SPOCK3: variants seen among roughly 807,000 people sequenced by gnomAD.
SPOCK3 encodes testican-3.
In SPOCK3, 30 loss-of-function variants were observed where a neutral mutation model predicts 56.6. The ratio of observed to expected loss-of-function variants is 0.53; its 90% confidence interval spans 0.40 to 0.72. SPOCK3 has a LOEUF of 0.72. Among genes scored for constraint, SPOCK3 ranks in the 30% least tolerant of loss-of-function variants. SPOCK3 has a pLI of 0.00. For synonymous variants in SPOCK3, 196 were observed against 183.3 expected, an observed-to-expected ratio of 1.07 and a Z score of -0.56; for missense variants, 527 against 530.0, an observed-to-expected ratio of 0.99 and a Z score of 0.06.
At chr4:166,950,105 T>G (rs1467160257) in intron 4 of SPOCK3, among the ~76,000 whole-genome samples, 2 of 151,028 alleles carry the variant, frequency 1.3e-5, no homozygotes, top group African/African-American at 4.9e-5. Context: ...TAAATGTAAA[T>G]GGACTAAATG....
intron 2 of SPOCK3, among the ~76,000 whole-genome samples, chr4:167,136,602 T>C (rs1318197005): frequency 4.6e-5 from 7 of 152,192 alleles, no homozygotes; most frequent in Non-Finnish European, 8.8e-5. Flanking sequence ...TTGCTGATTA[T>C]TGTTGCAGTT....
intron 6 of SPOCK3, among the ~76,000 whole-genome samples, chr4:166,858,187 CA>C (rs1410861475): frequency 6.6e-6 from 1 of 152,054 alleles, no homozygotes; most frequent in Non-Finnish European, 1.5e-5. Context: ...AATTTAATAC[CA>C]CATAGATAAG....
At chr4:166,876,486 C>G (rs982961023) in intron 6 of SPOCK3, among the ~76,000 whole-genome samples, 1 of 151,986 alleles carries the variant, frequency 6.6e-6, no homozygotes, top group Non-Finnish European at 1.5e-5. Flanking sequence ...AAAGTAAAAG[C>G]AGAAAAATAT....
intron 6 of SPOCK3, among the ~76,000 whole-genome samples, chr4:166,865,509 A>T (rs772318067): frequency 3.9e-5 from 6 of 152,194 alleles, no homozygotes; most frequent in Non-Finnish European, 7.3e-5. Flanking sequence ...TGCAGATGAC[A>T]TGATTGTATA....
At chr4:167,080,878 CT>C (rs766090610) in intron 2 of SPOCK3, among the ~76,000 whole-genome samples, 3,900 of 129,006 alleles carry the variant, frequency 0.03, 115 homozygotes, top group African/African-American at 0.1. Context: ...CTCTTTCTTT[CT>C]TTTTTTTTTT....
chr4:166,843,540 A>C (rs188581073), intron 6 of SPOCK3, among the ~76,000 whole-genome samples: 2 of 152,330 alleles, frequency 1.3e-5, no homozygotes, highest in African/African-American at 2.4e-5. Context: ...TCTTGAAAAA[A>C]TAAGCCACCA....
upstream of SPOCK3, chr4:167,234,566 T>A (rs1737536815): frequency 8.8e-6 from 2 of 227,962 alleles, no homozygotes; most frequent in South Asian, 2.6e-4. Flanking sequence ...TCCACTCAGC[T>A]CCCTGCGCCC....
chr4:166,861,534 T>G (rs1026631271), intron 6 of SPOCK3, among the ~76,000 whole-genome samples: 1 of 152,124 alleles, frequency 6.6e-6, no homozygotes, highest in Non-Finnish European at 1.5e-5. Context: ...CAAGAGTGCC[T>G]TGAGCAATAC....
chr4:166,994,113 G>C (rs1748101589), intron 4 of SPOCK3, among the ~76,000 whole-genome samples: 1 of 152,136 alleles, frequency 6.6e-6, no homozygotes, highest in East Asian at 1.9e-4. Context: ...GAAGAACAAA[G>C]GAACAAGTGG....
chr4:166,954,007 T>C lies in SPOCK3; in HGVS notation c.351-41264A>G, dbSNP rs913485488. 5.3e-5 allele frequency among the ~76,000 whole-genome samples: 8 copies of C among 152,160 alleles called. No individual in the cohort carries two copies. In the South Asian group the frequency reaches 1.5e-3, roughly 28 times the overall value. ...CTAGATGACGAGTTAGTGGGTGCAG[T>C]GCACTAGCATGGCACATGTATACAT... is the stretch of plus-strand genomic sequence containing the variant. On this transcript the variant is annotated intron_variant, in intron 4 of 10. Coordinates refer to ENST00000357545, the MANE Select transcript of SPOCK3 (RefSeq NM_001040159.2).
intron 2 of SPOCK3, among the ~76,000 whole-genome samples, chr4:167,220,807 T>C (rs1296402583): frequency 1.3e-5 from 2 of 152,126 alleles, no homozygotes; most frequent in African/African-American, 4.8e-5. Context: ...AGTACCTCTG[T>C]AGGGATAAAC....
chr4:167,074,371 A>T (rs183790770), intron 2 of SPOCK3, among the ~76,000 whole-genome samples: 10 of 152,092 alleles, frequency 6.6e-5, no homozygotes. Flanking sequence ...TAAGGTGTCA[A>T]CCAAGGCTGC....
At chr4:167,216,764 A>T (rs1024515326) in intron 2 of SPOCK3, among the ~76,000 whole-genome samples, 1 of 152,064 alleles carries the variant, frequency 6.6e-6, no homozygotes, top group African/African-American at 2.4e-5. Flanking sequence ...ATTATACACA[A>T]TTTTTTGTAT....
chr4:166,961,861 C>A (rs1224674936), intron 4 of SPOCK3, among the ~76,000 whole-genome samples: 1 of 152,130 alleles, frequency 6.6e-6, no homozygotes, highest in African/African-American at 2.4e-5. Context: ...TAAACCTGAG[C>A]ATCTTCATCA....
chr4:166,750,555 G>GAA (rs74340789), intron 8 of SPOCK3, among the ~76,000 whole-genome samples: 7 of 127,230 alleles, frequency 5.5e-5, no homozygotes, highest in South Asian at 2.4e-4. Context: ...AGGGAAGAAT[G>GAA]AAAAAAAAAT....
chr4:167,104,947 T>G (rs1322157649), intron 2 of SPOCK3, among the ~76,000 whole-genome samples: 1 of 151,298 alleles, frequency 6.6e-6, no homozygotes, highest in African/African-American at 2.4e-5. Flanking sequence ...ATACTTAAAG[T>G]GCTGAAGCAA....
intron 2 of SPOCK3, among the ~76,000 whole-genome samples, chr4:167,104,115 T>C (rs1759885575): frequency 6.6e-6 from 1 of 152,012 alleles, no homozygotes; most frequent in Admixed American, 6.6e-5. Flanking sequence ...CAAGAACAGG[T>C]ACGAACAAGC....
At position 167,127,389 on chromosome 4, in the gene SPOCK3, G is replaced by A. The variant is rs1450057052; in HGVS notation, c.190-64852C>T. Among the ~76,000 whole-genome samples, 2 of 150,894 alleles carry A rather than the reference G, an allele frequency of 1.3e-5. 1 individual carries two copies. The highest frequency in any genetic ancestry group is 3.0e-5 in the Non-Finnish European group (2 of 67,758). ...TTTTATATTACAGAAAAAAAAATAA[G>A]CCACCTAAAAGGTTGTTGGGGAAAA... On this transcript the variant is annotated intron_variant, in intron 2 of 10. Coordinates refer to ENST00000357545, the MANE Select transcript of SPOCK3 (RefSeq NM_001040159.2).
intron 4 of SPOCK3, among the ~76,000 whole-genome samples, chr4:166,935,888 G>T (rs1017800909): frequency 2.6e-4 from 40 of 152,224 alleles, no homozygotes; most frequent in African/African-American, 9.4e-4. Context: ...TTTGCCTAAA[G>T]GTTAGATGTG....
Sources: gnomAD v4.1 joint callset for allele counts (sites outside exome capture counted in the v4.1 genomes callset) on GRCh38, gnomAD v4.1.1 for gene constraint, MANE v1.5 for transcripts, NCBI Gene and HGNC (gene_info 2026-07-23, HGNC 2026-07-21) for gene names.